The following TMEM161B variants were observed in gnomAD, a reference collection of about 807,000 sequenced individuals.
TMEM161B encodes transmembrane protein 161B.
TMEM161B carries 34 observed loss-of-function variants against 61.8 expected under a neutral mutation model. The observed-to-expected ratio is 0.55, with a 90% CI of 0.42 to 0.73. The LOEUF (loss-of-function observed/expected upper bound fraction) is 0.73. TMEM161B is among the 30% of genes least tolerant of loss of function. The pLI, the probability that TMEM161B is intolerant of heterozygous loss-of-function variation, is 0.00. For missense variants in TMEM161B, 456 were observed against 558.5 expected (o/e 0.82, Z 1.85); for synonymous variants, 167 against 192.8 (o/e 0.87, Z 1.11).
chr5:88,252,968 G>T (rs1161724456), intron 1 of TMEM161B, among the ~76,000 whole-genome samples: 1 of 152,166 alleles, frequency 6.6e-6, no homozygotes, highest in African/African-American at 2.4e-5. Flanking sequence ...TGCTTGGTGA[G>T]TAGTGATTTA....
At chr5:88,214,308 T>C (rs1044728754) in intron 5 of TMEM161B, among the ~76,000 whole-genome samples, 2 of 152,200 alleles carry the variant, frequency 1.3e-5, no homozygotes, top group Non-Finnish European at 2.9e-5. Context: ...ATGTGACTAA[T>C]GATCCAGGCC....
At position 88,189,980 on chromosome 5, in the gene TMEM161B, C is replaced by T. The variant is rs1580270271; in HGVS notation, c.*72G>A. On this transcript the variant is annotated 3_prime_UTR_variant, in exon 13 of 13. Transcript: ENST00000514135. ...CCAGTACCTTTGCCGTCTTCTGTAC[C>T]AAGTCAGCCACAAACGCCAGCCCAT... The T allele has an allele frequency of 5.9e-6, 4 of 682,350 alleles. No homozygotes were observed. In the East Asian group the frequency reaches 1.1e-4, roughly 18 times the overall value. 42.3% of individuals were successfully genotyped at this position (682,350 alleles called of 1,614,324 possible).
At chr5:88,268,573 T>G in intron 1 of TMEM161B, 148 bp downstream of exon 1, 67 of 1,063,062 alleles carry the variant, frequency 6.3e-5, no homozygotes, top group Non-Finnish European at 8.0e-5. Flanking sequence ...TCAGACACCC[T>G]GAGATAGGTG....
In TMEM161B at chr5:88,205,943, G is replaced by T; in HGVS notation, c.671C>A (p.Ser224Ter). ...KQGLESQSPV[S>*]KLTFKFFLAI... is the part of the protein sequence containing the mutation. ...CAGGAAAAATTTGAAAGTAAGTTTT[G>T]AAACAGGACTCCTAAAAATAAAATT... Residue 224 changes from serine (S) to a stop codon, truncating the protein, a stop_gained, in exon 8 of 12, where the codon TCA (serine) becomes TAA (stop). Coordinates refer to ENST00000296595, the MANE Select transcript of TMEM161B (RefSeq NM_153354.5). LOFTEE classifies it high-confidence loss of function. 6.2e-7 allele frequency: 1 copy of T among 1,600,430 alleles called. No homozygotes were observed. Among genetic ancestry groups the T allele is most frequent in the South Asian group, 1.1e-5 (1 of 87,542 alleles).
At chr5:88,189,826 G>C in exon 13 of TMEM161B, 1 of 520,040 alleles carries the variant, frequency 1.9e-6, no homozygotes, top group Non-Finnish European at 3.4e-6. Flanking sequence ...ACCATAGGGA[G>C]AGCCTGTATC....
At chr5:88,235,599 G>C (rs948695196) in intron 2 of TMEM161B, among the ~76,000 whole-genome samples, 1 of 152,172 alleles carries the variant, frequency 6.6e-6, no homozygotes, top group Non-Finnish European at 1.5e-5. Context: ...CAACCTGAGA[G>C]AGGGTCCTTA....
chr5:88,194,707 T>C (rs1749344631), downstream of TMEM161B, among the ~76,000 whole-genome samples: 1 of 152,106 alleles, frequency 6.6e-6, no homozygotes, highest in African/African-American at 2.4e-5. Flanking sequence ...AATTTTCAGA[T>C]GACTGTGAAC....
intron 2 of TMEM161B, among the ~76,000 whole-genome samples, chr5:88,229,650 A>G (rs1238709943): frequency 6.7e-6 from 1 of 149,620 alleles, no homozygotes; most frequent in Non-Finnish European, 1.5e-5. Context: ...CAAAGGCCCT[A>G]TTATTACAAA....
At chr5:88,221,886 GA>G in intron 4 of TMEM161B, 2 of 376,182 alleles carry the variant, frequency 5.3e-6, no homozygotes, top group Non-Finnish European at 1.1e-5. Context: ...TACACTTGAA[GA>G]TACGATATCC....
At chr5:88,226,268 C>T (rs144056580) in intron 3 of TMEM161B, among the ~76,000 whole-genome samples, 146 of 152,080 alleles carry the variant, frequency 9.6e-4, no homozygotes, top group African/African-American at 3.4e-3. Context: ...TAAACAGACC[C>T]GGAACCATAT....
Position 88,229,763 on chromosome 5 carries a change from CAA to C in TMEM161B, c.108-1237_108-1236del, listed in dbSNP as rs549129204. Among the ~76,000 whole-genome samples, 276 of 151,156 alleles carry C rather than the reference CAA, an allele frequency of 1.8e-3. 1 individual carries two copies. Among genetic ancestry groups the C allele is most frequent in the African/African-American group, 6.4e-3 (263 of 41,120 alleles). ...TCCCAATTGCTGTTCCCCCCGTCCTCAAAATAGAGACAGGGGCTCACTTGGTT... is the reference window on the plus strand; with the variant it reads ...TCCCAATTGCTGTTCCCCCCGTCCTCAATAGAGACAGGGGCTCACTTGGTT... On this transcript the variant is annotated intron_variant, in intron 2 of 11. Coordinates refer to ENST00000296595, the MANE Select transcript of TMEM161B (RefSeq NM_153354.5).
At position 88,205,797 on chromosome 5, in the gene TMEM161B, G is replaced by A; in HGVS notation, c.800+17C>T. ...CATATATTTATCTGCATGTGCTTATGTACATTTTCCGCTTACTGTGTAATT... is the reference window on the plus strand; with the variant it reads ...CATATATTTATCTGCATGTGCTTATATACATTTTCCGCTTACTGTGTAATT... On this transcript the variant is annotated intron_variant, in intron 8 of 11. Coordinates refer to ENST00000296595, the MANE Select transcript of TMEM161B (RefSeq NM_153354.5). The A allele has an allele frequency of 6.2e-7, 1 of 1,610,914 alleles. No individual in the cohort carries two copies. The highest frequency in any genetic ancestry group is 1.3e-5 in the African/African-American group (1 of 74,924).
rs137980672 is a variant in TMEM161B at position 88,231,998 on chromosome 5, T to A, written c.108-3470A>T. Among the ~76,000 whole-genome samples the A allele has an allele frequency of 4.2e-4, 63 of 151,526 alleles. 1 individual carries two copies. The highest frequency in any genetic ancestry group is 1.4e-3 in the African/African-American group (58 of 41,396). ...ATACCAGTAATCATTAAGTATAGCA[T>A]TTTTTTTTAGTTCTGTGTGTCATTC... On this transcript the variant is annotated intron_variant, in intron 2 of 11. Coordinates refer to ENST00000296595, the MANE Select transcript of TMEM161B (RefSeq NM_153354.5).
At chr5:88,204,748 A>G (rs947289250) in intron 8 of TMEM161B, among the ~76,000 whole-genome samples, 6 of 152,072 alleles carry the variant, frequency 3.9e-5, no homozygotes, top group Admixed American at 3.9e-4. Flanking sequence ...ACACTGAGTA[A>G]AAGGAGAAAA....
In TMEM161B at chr5:88,257,141, A is replaced by C. The variant is rs1483343986; in HGVS notation, c.3+11580T>G. 7.2e-5 allele frequency among the ~76,000 whole-genome samples: 11 copies of C among 152,102 alleles called. No homozygotes were observed. In the East Asian group the frequency reaches 2.1e-3, roughly 30 times the overall value. ...AAAATTAGCCAGGAGTGGCAGCGACAGCCTGTAATCCCAGCTACTTGGGAG... is the reference window on the plus strand; with the variant it reads ...AAAATTAGCCAGGAGTGGCAGCGACCGCCTGTAATCCCAGCTACTTGGGAG... On this transcript the variant is annotated intron_variant, in intron 1 of 11. Coordinates refer to ENST00000296595, the MANE Select transcript of TMEM161B (RefSeq NM_153354.5).
chr5:88,250,984 A>T (rs1754270430), intron 1 of TMEM161B: 1 of 152,230 alleles, frequency 6.6e-6, no homozygotes. Flanking sequence ...AACTACATGG[A>T]AGAAATGGCT....
chr5:88,189,826 G>A (rs898505024), exon 13 of TMEM161B: 2 of 519,922 alleles, frequency 3.8e-6, no homozygotes, highest in African/African-American at 3.8e-5. Context: ...ACCATAGGGA[G>A]AGCCTGTATC....
At position 88,257,322 on chromosome 5, in the gene TMEM161B, TA is replaced by T. The variant is rs958727611; in HGVS notation, c.3+11398del. Among the ~76,000 whole-genome samples the T allele has an allele frequency of 2.3e-4, 35 of 152,158 alleles. 1 individual carries two copies. The highest frequency in any genetic ancestry group is 8.2e-4 in the African/African-American group (34 of 41,528). ...AAAAACACCTTTCCTTTTAACAAACTAAAAATCAAAACTTTGCTCAAAGTGC... is the reference window on the plus strand; with the variant it reads ...AAAAACACCTTTCCTTTTAACAAACTAAAATCAAAACTTTGCTCAAAGTGC... On this transcript the variant is annotated intron_variant, in intron 1 of 11. Coordinates refer to ENST00000296595, the MANE Select transcript of TMEM161B (RefSeq NM_153354.5).
At chr5:88,200,217 A>ACT (rs1161380653) in intron 9 of TMEM161B, 1 of 151,894 alleles carries the variant, frequency 6.6e-6, no homozygotes, top group Non-Finnish European at 1.5e-5. Flanking sequence ...TACTATATAT[A>ACT]CTCTCTCATT....
Sources: gnomAD v4.1 joint callset for allele counts (sites outside exome capture counted in the v4.1 genomes callset) on GRCh38, gnomAD v4.1.1 for gene constraint, MANE v1.5 for transcripts, NCBI Gene and HGNC (gene_info 2026-07-23, HGNC 2026-07-21) for gene names.